The following GLG1 variants were observed in gnomAD, a reference collection of about 807,000 sequenced individuals.
GLG1 encodes the protein golgi glycoprotein 1.
GLG1 carries 38 observed loss-of-function variants against 160.5 expected under a neutral mutation model. The ratio of observed to expected loss-of-function variants is 0.24; its 90% CI spans 0.18 to 0.31. The LOEUF is 0.31. Among genes scored for constraint, GLG1 ranks in the 10% least tolerant of loss-of-function variants. The probability of loss-of-function intolerance (pLI) is 1.00; values close to 1 mark genes in which losing one functional copy is unlikely to be tolerated. For synonymous variants in GLG1, 644 were observed against 543.4 expected, an observed-to-expected ratio of 1.19 and a Z score of -2.57; for missense variants, 1,373 against 1,505.2, an observed-to-expected ratio of 0.91 and a Z score of 1.45.
At chr16:74,580,819 C>A (rs1338541034) in intron 1 of GLG1, among the ~76,000 whole-genome samples, 2 of 152,118 alleles carry the variant, frequency 1.3e-5, no homozygotes, top group African/African-American at 4.8e-5. Flanking sequence ...CAACAAAATA[C>A]AAACAGCCTG....
At position 74,601,407 on chromosome 16, in the gene GLG1, T is replaced by C. The variant is rs1016313302; in HGVS notation, c.438+5250A>G. Among the ~76,000 whole-genome samples, 33 of 151,220 alleles carry C rather than the reference T, an allele frequency of 2.2e-4. 1 individual carries two copies. The highest frequency in any genetic ancestry group is 3.9e-4 in the East Asian group (2 of 5,148). ...CCAACCTGGGCAACCCGGCAAGACCTTGTCTCTCTTAAAATTAAAAAAAAA... is the reference window on the plus strand; with the variant it reads ...CCAACCTGGGCAACCCGGCAAGACCCTGTCTCTCTTAAAATTAAAAAAAAA... On this transcript the variant is annotated intron_variant, in intron 1 of 25. Transcript: ENST00000422840.
chr16:74,532,207 T>G lies in GLG1; in HGVS notation c.439-54A>C, dbSNP rs556699097. 17 of 647,086 alleles carry G rather than the reference T, an allele frequency of 2.6e-5. No homozygotes were observed. In the African/African-American group the frequency reaches 3.1e-4, roughly 12 times the overall value. The allele number at this position is 647,086 out of a possible 1,614,324, so 40.1% of individuals were successfully genotyped here. A position where few individuals can be genotyped will look rare whatever the true frequency, so the allele number is the denominator to read the frequency against. The stretch of plus-strand genomic sequence containing the variant: ...GTAAAAAAAAAAATATATATATATA[T>G]ATATAGAGAACCTTTCAAGTTTTCA... On this transcript the variant is annotated intron_variant, in intron 1 of 25. Transcript: ENST00000422840.
intron 9 of GLG1, among the ~76,000 whole-genome samples, chr16:74,484,310 T>C (rs1257625568): frequency 6.6e-6 from 1 of 152,144 alleles, no homozygotes; most frequent in African/African-American, 2.4e-5. Context: ...AAAGCTGCTC[T>C]TACTTGCAAC....
At chr16:74,484,212 G>A (rs1439369923) in intron 9 of GLG1, among the ~76,000 whole-genome samples, 1 of 152,128 alleles carries the variant, frequency 6.6e-6, no homozygotes, top group Non-Finnish European at 1.5e-5. Flanking sequence ...AGGAGTTCTT[G>A]CATAGCAGCA....
chr16:74,592,219 T>C (rs1453317882), intron 1 of GLG1, among the ~76,000 whole-genome samples: 4 of 152,202 alleles, frequency 2.6e-5, no homozygotes, highest in Non-Finnish European at 4.4e-5. Context: ...CTTGGCTCAC[T>C]GCAAACTCCA....
intron 19 of GLG1, among the ~76,000 whole-genome samples, chr16:74,464,619 G>A (rs964026678): frequency 6.6e-6 from 1 of 152,102 alleles, no homozygotes; most frequent in Non-Finnish European, 1.5e-5. Context: ...TGGAGACATG[G>A]ATTGTTCACT....
intron 5 of GLG1, among the ~76,000 whole-genome samples, chr16:74,495,158 G>C (rs948913084): frequency 1.2e-4 from 18 of 149,560 alleles, no homozygotes; most frequent in Non-Finnish European, 2.1e-4. Flanking sequence ...CTGTTGCCCA[G>C]GCTGGAGTGC....
chr16:74,537,085 C>T (rs118155541), intron 1 of GLG1, among the ~76,000 whole-genome samples: 2,809 of 152,266 alleles, frequency 0.018, 34 homozygotes, highest in Non-Finnish European at 0.027. Context: ...TAAATAGCTG[C>T]TAATTTAATG....
rs369928735 is a variant in GLG1, at chr16:74,607,002, G to A, written c.93C>T (p.Pro31=). The A allele has an allele frequency of 4.0e-5, 64 of 1,604,634 alleles. No homozygotes were observed. In the Admixed American group the frequency reaches 7.5e-4, roughly 19 times the overall value. Residue 31 remains proline, a synonymous_variant, in exon 1 of 26, where the codon CCC becomes CCT. Transcript: ENST00000422840. ...LLFAAGAEKL[P]GQGVHSQGQG... is the part of the protein sequence containing the mutation. ...GGCCCTGGCTGTGGACGCCCTGGCC[G>A]GGGAGTTTCTCGGCCCCGGCCGCGA...
At chr16:74,506,337 G>C (rs980208383) in intron 3 of GLG1, among the ~76,000 whole-genome samples, 1 of 151,624 alleles carries the variant, frequency 6.6e-6, no homozygotes, top group Non-Finnish European at 1.5e-5. Context: ...CCGGCACTTT[G>C]GGAGGCCCAG....
rs146119507 is a variant in GLG1 at position 74,529,030 on chromosome 16, G to A, written c.471+3091C>T. 3.0e-3 allele frequency among the ~76,000 whole-genome samples: 446 copies of A among 149,528 alleles called. 5 individuals carry two copies. Among genetic ancestry groups the A allele is most frequent in the Admixed American group, 0.019 (278 of 14,830 alleles). On this transcript the variant is annotated intron_variant, in intron 2 of 25. Transcript: ENST00000422840. Reference sequence around the variant, plus strand: ...TGCCCAGGCTGGAGTGCAGTGGTACGATAGTGGTTCACTGCAACCTCCACC... The same window carrying A: ...TGCCCAGGCTGGAGTGCAGTGGTACAATAGTGGTTCACTGCAACCTCCACC...
intron 25 of GLG1, among the ~76,000 whole-genome samples, chr16:74,455,158 G>C (rs1012592233): frequency 6.6e-6 from 1 of 152,132 alleles, no homozygotes; most frequent in African/African-American, 2.4e-5. Context: ...GTTTTCCACT[G>C]CTTTCCCTAA....
chr16:74,469,637 T>C, intron 16 of GLG1: 1 of 252,790 alleles, frequency 4.0e-6, no homozygotes, highest in Non-Finnish European at 7.7e-6. Flanking sequence ...TTAGATGAGA[T>C]GACATAACGG....
intron 1 of GLG1, among the ~76,000 whole-genome samples, chr16:74,590,899 A>G (rs1056541082): frequency 7.2e-5 from 11 of 151,874 alleles, no homozygotes; most frequent in African/African-American, 2.6e-4. Flanking sequence ...AAACCTACCA[A>G]ACTCAGAGTT....
At position 74,462,492 on chromosome 16, in the gene GLG1, T is replaced by C. The variant is rs200113628; in HGVS notation, c.2930A>G (p.Asp977Gly). Reference sequence around the variant, plus strand: ...GGAGAGCCCAGGCCAGTTTACCTGGTCAGCATATCTCAGCTTCAGGCAAGA... The same window carrying C: ...GGAGAGCCCAGGCCAGTTTACCTGGCCAGCATATCTCAGCTTCAGGCAAGA... ...VISCLKLRYA[D>G]QRLSSDCEDQ... is the part of the protein sequence containing the mutation. Residue 977 changes from aspartate to glycine, a missense_variant, in exon 21 of 26, where the codon GAC becomes GGC. Coordinates refer to ENST00000422840, the MANE Select transcript of GLG1 (RefSeq NM_001145667.2). 257 of 1,613,368 alleles carry C rather than the reference T, an allele frequency of 1.6e-4. No individual in the cohort carries two copies. Among genetic ancestry groups the C allele is most frequent in the Non-Finnish European group, 1.3e-4 (150 of 1,179,424 alleles).
chr16:74,492,934 T>TA (rs751502579), intron 7 of GLG1, 23 bp downstream of exon 7: 6,625 of 1,312,288 alleles, frequency 5.0e-3, no homozygotes, highest in South Asian at 9.0e-3. Flanking sequence ...AAATGATAAT[T>TA]AAAAAAAAAA....
chr16:74,545,269 C>A (rs2018015390), intron 1 of GLG1, among the ~76,000 whole-genome samples: 1 of 152,048 alleles, frequency 6.6e-6, no homozygotes, highest in African/African-American at 2.4e-5. Context: ...AAGCCTCAAC[C>A]TCCCAGCCTC....
intron 1 of GLG1, among the ~76,000 whole-genome samples, chr16:74,588,240 C>A (rs1198975367): frequency 4.0e-5 from 6 of 151,446 alleles, no homozygotes; most frequent in Non-Finnish European, 7.4e-5. Flanking sequence ...AGTATGTGAT[C>A]AAATATTTGT....
intron 22 of GLG1, chr16:74,461,847 G>A: frequency 2.7e-6 from 1 of 374,918 alleles, no homozygotes; most frequent in South Asian, 5.6e-5. Context: ...AATTTACAGA[G>A]AGCTATAATG....
Sources: gnomAD v4.1 joint callset for allele counts (sites outside exome capture counted in the v4.1 genomes callset) on GRCh38, gnomAD v4.1.1 for gene constraint, MANE v1.5 for transcripts, NCBI Gene and HGNC (gene_info 2026-07-23, HGNC 2026-07-21) for gene names.